Variants in COL19A1 observed in about 807,000 individuals in gnomAD.
COL19A1 encodes the protein collagen alpha-1(XIX) chain.
In COL19A1, 159 loss-of-function variants were observed where a neutral mutation model predicts 190.2. The observed-to-expected ratio is 0.84, with a 90% CI of 0.73 to 0.95. The LOEUF is 0.95. COL19A1 is among the 40% of genes least tolerant of loss of function. COL19A1 has a pLI of 0.00. For synonymous variants in COL19A1, 509 were observed against 458.9 expected (o/e 1.11, Z -1.39); for missense variants, 1,418 against 1,431.9 (o/e 0.99, Z 0.16).
chr6:69,882,932 T>C (rs896026497), intron 2 of COL19A1, among the ~76,000 whole-genome samples: 3 of 152,226 alleles, frequency 2.0e-5, no homozygotes, highest in Non-Finnish European at 4.4e-5. Flanking sequence ...ATTGGTACCA[T>C]GTAAAAATCC....
rs1262133514 is a variant in COL19A1 at position 69,921,051 on chromosome 6, CAT to C, written c.267-6855_267-6854del. On this transcript the variant is annotated intron_variant, in intron 4 of 50. Coordinates refer to ENST00000620364, the MANE Select transcript of COL19A1 (RefSeq NM_001858.6). ...CATATATATCATATATATTCATAGACATATCATATATATTCATAGACATATCA... is the reference window on the plus strand; with the variant it reads ...CATATATATCATATATATTCATAGACATCATATATATTCATAGACATATCA... 3.7e-4 allele frequency among the ~76,000 whole-genome samples: 9 copies of C among 24,150 alleles called. No individual in the cohort carries two copies. In the East Asian group the frequency reaches 6.1e-3, roughly 16 times the overall value. 15.8% of individuals were successfully genotyped at this position (24,150 alleles called of 152,430 possible). A position where few individuals can be genotyped will look rare whatever the true frequency, so the allele number is the denominator to read the frequency against.
chr6:69,870,686 C>A (rs1225640631), intron 1 of COL19A1, among the ~76,000 whole-genome samples: 4 of 151,982 alleles, frequency 2.6e-5, no homozygotes, highest in Non-Finnish European at 5.9e-5. Flanking sequence ...TTGAGCAGGG[C>A]AGTTAAGTGA....
intron 15 of COL19A1, among the ~76,000 whole-genome samples, chr6:70,097,479 C>G (rs1469873694): frequency 6.6e-6 from 1 of 151,072 alleles, no homozygotes; most frequent in Non-Finnish European, 1.5e-5. Flanking sequence ...CTTCTTGATC[C>G]TGAGGAGGAT....
chr6:70,101,589 G>T (rs972751037), intron 15 of COL19A1, among the ~76,000 whole-genome samples: 2 of 152,118 alleles, frequency 1.3e-5, no homozygotes, highest in African/African-American at 4.8e-5. Flanking sequence ...TTCAGTATAT[G>T]TAATTACAAT....
At chr6:70,180,017 G>C (rs1766068150) in intron 42 of COL19A1, among the ~76,000 whole-genome samples, 1 of 152,092 alleles carries the variant, frequency 6.6e-6, no homozygotes, top group African/African-American at 2.4e-5. Context: ...CGAGTAGCTG[G>C]GATTACAGGC....
At chr6:70,178,857 G>A (rs1765984122) in intron 42 of COL19A1, among the ~76,000 whole-genome samples, 1 of 152,134 alleles carries the variant, frequency 6.6e-6, no homozygotes, top group Non-Finnish European at 1.5e-5. Context: ...AGGAAAGCGT[G>A]TGGGTTTACA....
Position 70,207,524 on chromosome 6 carries a change from A to G in COL19A1, c.*250A>G, listed in dbSNP as rs190503509. ...TGCTATGATTTTTACTCAGAGTTTT[A>G]TATGAAATATGCAAGTAAATCTTAT... is the stretch of plus-strand genomic sequence containing the variant. On this transcript the variant is annotated 3_prime_UTR_variant, in exon 51 of 51. Coordinates refer to ENST00000620364, the MANE Select transcript of COL19A1 (RefSeq NM_001858.6). 7.5e-5 allele frequency: 20 copies of G among 265,096 alleles called. No individual in the cohort carries two copies. The highest frequency in any genetic ancestry group is 3.3e-4 in the African/African-American group (15 of 45,440). 16.4% of individuals were successfully genotyped at this position (265,096 alleles called of 1,614,324 possible).
intron 15 of COL19A1, among the ~76,000 whole-genome samples, chr6:70,090,794 A>AGCACC (rs1782875334): frequency 6.6e-6 from 1 of 152,140 alleles, no homozygotes; most frequent in Non-Finnish European, 1.5e-5. Flanking sequence ...TGAAACTCAG[A>AGCACC]GCACTCACCA....
At chr6:69,914,481 C>A (rs1272063408) in intron 4 of COL19A1, among the ~76,000 whole-genome samples, 1 of 152,206 alleles carries the variant, frequency 6.6e-6, no homozygotes, top group Admixed American at 6.5e-5. Flanking sequence ...AGAGGCCTCA[C>A]TGATACTTGT....
At chr6:70,066,624 T>A (rs946363493) in intron 14 of COL19A1, among the ~76,000 whole-genome samples, 2 of 151,538 alleles carry the variant, frequency 1.3e-5, no homozygotes, top group African/African-American at 2.4e-5. Flanking sequence ...AAAAGAAAAT[T>A]TAGTTTATAT....
chr6:69,872,909 A>C (rs947309343), intron 1 of COL19A1, among the ~76,000 whole-genome samples: 4 of 152,176 alleles, frequency 2.6e-5, no homozygotes, highest in African/African-American at 9.7e-5. Flanking sequence ...ATTTAAGAGA[A>C]TGCATGTAGG....
chr6:69,951,411 T>C (rs1479725621), intron 9 of COL19A1, among the ~76,000 whole-genome samples: 1 of 151,976 alleles, frequency 6.6e-6, no homozygotes. Flanking sequence ...GATGATTCTA[T>C]TATTCTAGCC....
At chr6:70,182,076 A>G (rs1766211343) in intron 44 of COL19A1, among the ~76,000 whole-genome samples, 1 of 152,200 alleles carries the variant, frequency 6.6e-6, no homozygotes, top group Non-Finnish European at 1.5e-5. Context: ...TTTGAGGATC[A>G]CTCTGATATT....
chr6:69,962,845 G>A lies in COL19A1; in HGVS notation c.1001G>A (p.Gly334Asp). The change falls in exon 11 of 51, where the codon GGC becomes GAC. Residue 334 changes from glycine (G) to aspartate (D), a missense_variant. Gly to Asp is a moderately conservative substitution (Grantham distance 94). Coordinates refer to ENST00000620364, the MANE Select transcript of COL19A1 (RefSeq NM_001858.6). The part of the protein sequence containing the change: ...PGQKGEQGFE[G>D]SKGETGEKGE... ...CTACAGGGAGAGCAAGGTTTTGAAG[G>A]CAGCAAAGGAGAAACTGGTGAAAAG... 6.2e-7 allele frequency: 1 copy of A among 1,607,618 alleles called. No homozygotes were observed. Among genetic ancestry groups the A allele is most frequent in the Admixed American group, 1.7e-5 (1 of 59,618 alleles).
At chr6:70,045,312 C>CA (rs34047162) in intron 14 of COL19A1, among the ~76,000 whole-genome samples, 1,020 of 67,710 alleles carry the variant, frequency 0.015, 12 homozygotes, top group East Asian at 0.052. Flanking sequence ...GACTCTGTCT[C>CA]AAAAAAAAAA....
chr6:70,077,510 C>G (rs576709829), intron 15 of COL19A1, among the ~76,000 whole-genome samples: 2 of 152,078 alleles, frequency 1.3e-5, no homozygotes, highest in Admixed American at 1.3e-4. Context: ...TATTTGATAT[C>G]TCTAATATGT....
intron 4 of COL19A1, among the ~76,000 whole-genome samples, chr6:69,921,079 T>TATATTCATAGACATATC: frequency 2.5e-5 from 2 of 78,832 alleles, no homozygotes; most frequent in Non-Finnish European, 4.2e-5. Context: ...AGACATATCA[T>TATATTCATAGACATATC]ATATATTCAT....
At chr6:69,985,667 A>G (rs1275618113) in intron 11 of COL19A1, among the ~76,000 whole-genome samples, 1 of 152,106 alleles carries the variant, frequency 6.6e-6, no homozygotes, top group African/African-American at 2.4e-5. Flanking sequence ...TTAAACTTCT[A>G]TTTCTTTGTC....
intron 14 of COL19A1, among the ~76,000 whole-genome samples, chr6:70,055,795 A>T (rs192314592): frequency 0.026 from 4,007 of 151,340 alleles, 218 homozygotes; most frequent in African/African-American, 0.089. Flanking sequence ...AAAAAAAAAA[A>T]AAAAAAAAAA....
Sources: allele counts gnomAD v4.1 joint callset (sites outside exome capture counted in the v4.1 genomes callset), GRCh38; gene constraint gnomAD v4.1.1; transcripts MANE v1.5; gene names NCBI Gene and HGNC (gene_info 2026-07-23, HGNC 2026-07-21).